Variants in MID1 observed in about 807,000 individuals in gnomAD.
The protein encoded by MID1 is midline 1, also known as E3 ubiquitin-protein ligase Midline-1.
A neutral mutation model predicts 40.4 loss-of-function variants in MID1; 7 were observed. The observed-to-expected ratio is 0.17, with a 90% confidence interval of 0.10 to 0.33. MID1 has a LOEUF of 0.33. Ranked by LOEUF, MID1 falls within the 10% of genes least tolerant of loss-of-function variation. MID1 has a pLI of 1.00. For synonymous variants in MID1, 229 were observed against 221.2 expected (o/e 1.04, Z -0.31); for missense variants, 367 against 558.5 (o/e 0.66, Z 3.46).
At chrX:10,705,804 C>T (rs1447028712) in intron 1 of MID1, among the ~76,000 whole-genome samples, 2 of 112,289 alleles carry the variant, frequency 1.8e-5, no homozygotes, top group African/African-American at 6.5e-5. Context: ...TACCCATTGG[C>T]TAAGTATAGC....
At chrX:10,529,157 G>C (rs1932894645) in intron 2 of MID1, among the ~76,000 whole-genome samples, 1 of 111,692 alleles carries the variant, frequency 9.0e-6, no homozygotes, top group African/African-American at 3.3e-5. Context: ...TTCGAGTTTA[G>C]ACTGATTTTT....
In MID1 at chrX:10,529,700, C is replaced by G. The variant is rs570852323; in HGVS notation, c.661-6513G>C. Reference sequence around the variant, plus strand: ...TTCTGGGTCTGAGCATGGGCGCAGTCTCTTCCCTTTGCCTGGAATGCATGT... The same window carrying G: ...TTCTGGGTCTGAGCATGGGCGCAGTGTCTTCCCTTTGCCTGGAATGCATGT... On this transcript the variant is annotated intron_variant, in intron 2 of 9. Transcript: ENST00000317552. Among the ~76,000 whole-genome samples, 40 of 111,849 alleles carry G rather than the reference C, an allele frequency of 3.6e-4. No homozygotes were observed. In the Middle Eastern group the frequency reaches 0.014, roughly 39 times the overall value.
chrX:10,548,294 T>C (rs926837468), intron 2 of MID1, among the ~76,000 whole-genome samples: 2 of 111,489 alleles, frequency 1.8e-5, no homozygotes, highest in Admixed American at 9.5e-5. Flanking sequence ...CTCTATGATG[T>C]TATTCTCTAT....
At chrX:10,458,983 A>G (rs1301368990) in intron 8 of MID1, among the ~76,000 whole-genome samples, 2 of 109,651 alleles carry the variant, frequency 1.8e-5, no homozygotes, top group Admixed American at 9.6e-5. Context: ...AACAAAACAC[A>G]TGTGGACAGA....
chrX:10,722,972 T>C (rs1408194030), intron 1 of MID1, among the ~76,000 whole-genome samples: 1 of 111,412 alleles, frequency 9.0e-6, no homozygotes, highest in African/African-American at 3.3e-5. Context: ...AATGGTGCCC[T>C]CTGCTGGGAA....
intron 9 of MID1, among the ~76,000 whole-genome samples, chrX:10,450,176 AAATTTATTT>A (rs1227208285): frequency 8.9e-6 from 1 of 112,519 alleles, no homozygotes; most frequent in Non-Finnish European, 1.9e-5. Flanking sequence ...ACTGAACTTT[AAATTTATTT>A]AATTTTCATT....
At chrX:10,590,467 G>A (rs1333442279) in intron 1 of MID1, among the ~76,000 whole-genome samples, 1 of 111,424 alleles carries the variant, frequency 9.0e-6, no homozygotes, top group African/African-American at 3.3e-5. Context: ...TGGGAAGACA[G>A]GGTCGCAGCA....
intron 1 of MID1, among the ~76,000 whole-genome samples, chrX:10,746,961 G>A (rs1238645532): frequency 1.8e-5 from 2 of 109,340 alleles, no homozygotes; most frequent in African/African-American, 6.9e-5. Context: ...CCACAGACAA[G>A]ACAAAATTTA....
chrX:10,514,402 A>C (rs933088839), intron 3 of MID1, among the ~76,000 whole-genome samples: 8 of 111,923 alleles, frequency 7.1e-5, no homozygotes, highest in Admixed American at 1.9e-4. Context: ...TCTTCTCATT[A>C]CTCCTTATGA....
chrX:10,562,667 A>C, intron 2 of MID1, among the ~76,000 whole-genome samples: 1 of 106,149 alleles, frequency 9.4e-6, no homozygotes, highest in Non-Finnish European at 1.9e-5. Context: ...CTTCAAGATA[A>C]GACTCTTCCC....
At chrX:10,828,288 C>T (rs996693016) in intron 1 of MID1, among the ~76,000 whole-genome samples, 3 of 111,431 alleles carry the variant, frequency 2.7e-5, no homozygotes, top group Non-Finnish European at 5.6e-5. Context: ...GATACATTCT[C>T]TCCACATCTT....
In MID1 at chrX:10,831,853, A is replaced by C. The variant is rs185315349; in HGVS notation, c.-187+1701T>G. ...TATTCCCTTGGCTGTTAGTGTAATTAGTGTATAATAACTATGTACATATCA... is the reference window on the plus strand; with the variant it reads ...TATTCCCTTGGCTGTTAGTGTAATTCGTGTATAATAACTATGTACATATCA... On this transcript the variant is annotated intron_variant, in intron 1 of 10. Transcript: ENST00000380785. 1.2e-4 allele frequency among the ~76,000 whole-genome samples: 14 copies of C among 112,355 alleles called. No individual in the cohort carries two copies. In the East Asian group the frequency reaches 3.6e-3, roughly 29 times the overall value.
intron 1 of MID1, among the ~76,000 whole-genome samples, chrX:10,692,263 G>A (rs1042507911): frequency 4.5e-5 from 5 of 111,085 alleles, no homozygotes; most frequent in South Asian, 3.8e-4. Context: ...TTGCCATCAC[G>A]GTCCTACTGA....
chrX:10,580,948 A>C (rs1015015023), intron 1 of MID1, among the ~76,000 whole-genome samples: 3 of 107,998 alleles, frequency 2.8e-5, no homozygotes, highest in Non-Finnish European at 5.7e-5. Flanking sequence ...AAAAAAAAAA[A>C]AAAAAAAAAA....
intron 2 of MID1, among the ~76,000 whole-genome samples, chrX:10,561,675 C>A (rs1350862923): frequency 9.3e-6 from 1 of 107,195 alleles, no homozygotes; most frequent in Non-Finnish European, 1.9e-5. Flanking sequence ...CAATGAGATA[C>A]CATCTCAAGC....
chrX:10,555,452 T>A (rs1934082000), intron 2 of MID1, among the ~76,000 whole-genome samples: 1 of 111,623 alleles, frequency 9.0e-6, no homozygotes, highest in African/African-American at 3.3e-5. Flanking sequence ...TTGAGCTCCA[T>A]GGAGCTCTTT....
chrX:10,724,119 G>GT (rs1332241870), intron 1 of MID1, among the ~76,000 whole-genome samples: 1 of 111,417 alleles, frequency 9.0e-6, no homozygotes, highest in Non-Finnish European at 1.9e-5. Context: ...CTGGAGTGCA[G>GT]TGGTATTATC....
At chrX:10,799,570 A>C (rs1442752996) in intron 1 of MID1, among the ~76,000 whole-genome samples, 1 of 112,206 alleles carries the variant, frequency 8.9e-6, no homozygotes, top group Non-Finnish European at 1.9e-5. Flanking sequence ...ATGCTGGGCT[A>C]ATCAATGTGT....
At chrX:10,670,926 TG>T (rs759614059) in intron 1 of MID1, among the ~76,000 whole-genome samples, 1 of 112,339 alleles carries the variant, frequency 8.9e-6, no homozygotes, top group African/African-American at 3.2e-5. Context: ...ATTTAATTTT[TG>T]GTCATCTATT....
Sources: allele counts gnomAD v4.1 joint callset (sites outside exome capture counted in the v4.1 genomes callset), GRCh38; gene constraint gnomAD v4.1.1; transcripts MANE v1.5; gene names NCBI Gene and HGNC (gene_info 2026-07-23, HGNC 2026-07-21).